Variants in BTG4 observed in about 807,000 individuals in gnomAD.
BTG4 encodes the protein BTG anti-proliferation factor 4, also known as protein BTG4.
BTG4 carries 10 observed loss-of-function variants against 19.3 expected under a neutral mutation model. The observed-to-expected ratio is 0.52, with a 90% CI of 0.32 to 0.88. The LOEUF is 0.88. Among genes scored for constraint, BTG4 ranks in the 40% least tolerant of loss-of-function variants. The pLI, the probability that BTG4 is intolerant of heterozygous loss-of-function variation, is 0.04. For missense variants in BTG4, 238 were observed against 281.9 expected (o/e 0.84, Z 1.11); for synonymous variants, 91 against 95.7 (o/e 0.95, Z 0.29).
At chr11:111,430,372 T>C in the BTG4 span, among the ~76,000 whole-genome samples, 2 of 152,238 alleles carry the variant, frequency 1.3e-5, no homozygotes, top group African/African-American at 4.8e-5. Context: ...AGCCTTCCAC[T>C]GAATACACAA....
the BTG4 span, among the ~76,000 whole-genome samples, chr11:111,399,839 G>A: frequency 5.9e-5 from 9 of 152,184 alleles, no homozygotes; most frequent in African/African-American, 2.2e-4. Flanking sequence ...TGGGATGCAG[G>A]GAAGTGACTG....
the BTG4 span, among the ~76,000 whole-genome samples, chr11:111,423,581 C>G: frequency 6.6e-6 from 1 of 152,196 alleles, no homozygotes; most frequent in South Asian, 2.1e-4. Context: ...CCTTGCCCAC[C>G]CTTACACCAC....
the BTG4 span, among the ~76,000 whole-genome samples, chr11:111,444,841 G>A: frequency 9.5e-4 from 144 of 152,268 alleles, no homozygotes; most frequent in South Asian, 0.011. Context: ...AAGAAAGGCA[G>A]GAGAGCGCAG....
chr11:111,495,968 C>T (rs1463089981), intron 4 of BTG4, among the ~76,000 whole-genome samples: 1 of 152,112 alleles, frequency 6.6e-6, no homozygotes, highest in Non-Finnish European at 1.5e-5. Context: ...TTCCAAGAAA[C>T]TATCAATGAC....
intron 5 of BTG4, chr11:111,473,293 C>A (rs1029578160): frequency 6.6e-6 from 1 of 152,602 alleles, no homozygotes. Context: ...CTTCCACATT[C>A]TCTACAGTAT....
chr11:111,496,190 T>C (rs1865718327), intron 4 of BTG4, among the ~76,000 whole-genome samples: 1 of 152,234 alleles, frequency 6.6e-6, no homozygotes, highest in Non-Finnish European at 1.5e-5. Context: ...GTATTATATA[T>C]GCATATCATG....
At chr11:111,462,914 T>A (rs1398059117), downstream of BTG4, 1 of 152,694 alleles carries the variant, frequency 6.5e-6, no homozygotes, top group East Asian at 1.9e-4. Flanking sequence ...TCCCACATCA[T>A]CAGATGTGGC....
chr11:111,475,032 C>A lies in BTG4; in HGVS notation c.663-7351G>T, dbSNP rs183077131. 491 of 152,472 alleles carry A rather than the reference C, an allele frequency of 3.2e-3. 1 individual carries two copies. Among genetic ancestry groups the A allele is most frequent in the Non-Finnish European group, 5.4e-3 (368 of 67,958 alleles). The allele number at this position is 152,472 out of a possible 1,614,324, so 9.4% of individuals were successfully genotyped here. On this transcript the variant is annotated intron_variant, in intron 5 of 5. Coordinates refer to the BTG4 transcript ENST00000356018. Reference sequence around the variant, plus strand: ...GGAATTATTTATTCTGCAACTATTTCCCCCATTTTGTGGACTGTCTTTATA... The same window carrying A: ...GGAATTATTTATTCTGCAACTATTTACCCCATTTTGTGGACTGTCTTTATA...
the BTG4 span, among the ~76,000 whole-genome samples, chr11:111,425,125 G>A: frequency 1.3e-5 from 2 of 152,130 alleles, no homozygotes; most frequent in East Asian, 3.8e-4. Flanking sequence ...GGGTAGGTGT[G>A]GAACAAACTT....
the BTG4 span, among the ~76,000 whole-genome samples, chr11:111,393,041 GATGAC>G: frequency 6.6e-6 from 1 of 152,164 alleles, no homozygotes; most frequent in Non-Finnish European, 1.5e-5. Context: ...GCCACAGAGT[GATGAC>G]AGATTATACC....
intron 5 of BTG4, among the ~76,000 whole-genome samples, chr11:111,478,450 G>C (rs1864526038): frequency 6.6e-6 from 1 of 152,002 alleles, no homozygotes; most frequent in Non-Finnish European, 1.5e-5. Context: ...ATCCAGGTTT[G>C]GCAAAAATCA....
At chr11:111,405,713 T>A in the BTG4 span, among the ~76,000 whole-genome samples, 1 of 152,190 alleles carries the variant, frequency 6.6e-6, no homozygotes, top group African/African-American at 2.4e-5. Flanking sequence ...AAAGAGGAAG[T>A]ATAGCGTGGC....
intron 5 of BTG4, among the ~76,000 whole-genome samples, chr11:111,474,595 T>C (rs902231252): frequency 2.0e-5 from 3 of 152,164 alleles, no homozygotes; most frequent in Non-Finnish European, 4.4e-5. Context: ...TATGTGGGTA[T>C]TTTCCAGTTT....
chr11:111,442,098 A>G, the BTG4 span, among the ~76,000 whole-genome samples: 238 of 152,206 alleles, frequency 1.6e-3, 1 homozygote, highest in Non-Finnish European at 3.0e-3. Context: ...TGAACATAAG[A>G]GACCAGAGCA....
At chr11:111,498,452 T>G in intron 2 of BTG4, 152 bp downstream of exon 2, 1 of 701,640 alleles carries the variant, frequency 1.4e-6, no homozygotes, top group Non-Finnish European at 2.4e-6. Flanking sequence ...CTACTATGTC[T>G]CCTCCTTTCA....
downstream of BTG4, chr11:111,463,505 A>G (rs1200796596): frequency 6.5e-6 from 1 of 152,686 alleles, no homozygotes. Context: ...GCTGGTCCCT[A>G]TTCCAGCGTT....
chr11:111,511,488 C>A (rs1302702967), intron 1 of BTG4, among the ~76,000 whole-genome samples: 1 of 152,176 alleles, frequency 6.6e-6, no homozygotes, highest in Non-Finnish European at 1.5e-5. Context: ...GGGAAGTTTT[C>A]TTTTGCAGAA....
chr11:111,465,596 T>C (rs1476167443), downstream of BTG4, among the ~76,000 whole-genome samples: 1 of 152,098 alleles, frequency 6.6e-6, no homozygotes, highest in Non-Finnish European at 1.5e-5. Context: ...TGCTAGTGAG[T>C]AGTTCAGCTG....
the BTG4 span, among the ~76,000 whole-genome samples, chr11:111,436,914 T>TCCCCACCATCACCCCG: frequency 6.6e-6 from 1 of 152,084 alleles, no homozygotes; most frequent in African/African-American, 2.4e-5. Context: ...CAGCATGCCC[T>TCCCCACCATCACCCCG]CCCCACCATC....
Sources: allele counts gnomAD v4.1 joint callset (sites outside exome capture counted in the v4.1 genomes callset), GRCh38; gene constraint gnomAD v4.1.1; transcripts MANE v1.5; gene names NCBI Gene and HGNC (gene_info 2026-07-23, HGNC 2026-07-21).